The following EML4 variants were observed in gnomAD, a reference collection of about 807,000 sequenced individuals.
The protein encoded by EML4 is echinoderm microtubule-associated protein-like 4.
In EML4, 72 loss-of-function variants were observed where a neutral mutation model predicts 129.0. The ratio of observed to expected loss-of-function variants is 0.56; its 90% confidence interval spans 0.46 to 0.68. The LOEUF is 0.68. Ranked by LOEUF, EML4 falls within the 30% of genes least tolerant of loss-of-function variation. The pLI, the probability that EML4 is intolerant of heterozygous loss-of-function variation, is 0.00. For synonymous variants in EML4, 532 were observed against 405.0 expected (o/e 1.31, Z -3.77); for missense variants, 1,363 against 1,190.6 (o/e 1.14, Z -2.13).
At chr2:42,200,899 C>T (rs1443331000) in intron 1 of EML4, among the ~76,000 whole-genome samples, 1 of 152,152 alleles carries the variant, frequency 6.6e-6, no homozygotes. Flanking sequence ...ACTTAGAATG[C>T]AGTTTATTCC....
chr2:42,307,321 C>T (rs998521653), intron 17 of EML4, among the ~76,000 whole-genome samples: 1 of 152,182 alleles, frequency 6.6e-6, no homozygotes, highest in Admixed American at 6.5e-5. Flanking sequence ...CAATTGGTTT[C>T]TCTTGGAGTT....
intron 2 of EML4, among the ~76,000 whole-genome samples, chr2:42,248,682 T>G (rs552580259): frequency 1.3e-5 from 2 of 152,190 alleles, no homozygotes; most frequent in East Asian, 1.9e-4. Context: ...CCTTACTAAT[T>G]AGAGATTTTT....
intron 21 of EML4, among the ~76,000 whole-genome samples, chr2:42,326,615 C>T (rs1209807034): frequency 6.6e-6 from 1 of 152,218 alleles, no homozygotes; most frequent in Non-Finnish European, 1.5e-5. Context: ...GGCGCAGTGG[C>T]TCACACCTGT....
At position 42,301,406 on chromosome 2, in the gene EML4, C is replaced by A; in HGVS notation, c.1641+14C>A. On this transcript the variant is annotated intron_variant, in intron 14 of 22. Transcript: ENST00000318522. The stretch of plus-strand genomic sequence containing the variant: ...AGAGAAATAGAGGTAAGGATGGAAA[C>A]GGAATATAAAAATATTAAATACTCT... 5.0e-6 allele frequency: 8 copies of A among 1,593,676 alleles called. No individual in the cohort carries two copies. Among genetic ancestry groups the A allele is most frequent in the Non-Finnish European group, 6.8e-6 (8 of 1,170,502 alleles).
intron 6 of EML4, among the ~76,000 whole-genome samples, chr2:42,275,333 T>A (rs979996096): frequency 6.6e-6 from 1 of 152,208 alleles, no homozygotes; most frequent in African/African-American, 2.4e-5. Flanking sequence ...ATGGTAAGTG[T>A]TCAGTAATCA....
At chr2:42,176,401 T>A (rs1212899708) in intron 1 of EML4, among the ~76,000 whole-genome samples, 1 of 152,238 alleles carries the variant, frequency 6.6e-6, no homozygotes, top group Non-Finnish European at 1.5e-5. Context: ...TTGATTGTGC[T>A]ATTCACCCTC....
rs1003508223 is a variant in EML4, at chr2:42,175,339, G to A, written c.25+5703G>A. Reference sequence around the variant, plus strand: ...TGTGTTAGCCAGGATGGTTGTGATCGCCTGACCTTGTTATTCGCCTGCCTC... The same window carrying A: ...TGTGTTAGCCAGGATGGTTGTGATCACCTGACCTTGTTATTCGCCTGCCTC... On this transcript the variant is annotated intron_variant, in intron 1 of 22. Transcript: ENST00000318522. 7.2e-5 allele frequency among the ~76,000 whole-genome samples: 11 copies of A among 151,748 alleles called. 1 individual carries two copies. The highest frequency in any genetic ancestry group is 2.0e-4 in the Admixed American group (3 of 15,218).
chr2:42,315,820 C>A (rs1478054589), intron 17 of EML4, 142 bp from the exon 18 acceptor site: 2 of 604,362 alleles, frequency 3.3e-6, no homozygotes, highest in Non-Finnish European at 5.9e-6. Flanking sequence ...AAGTTCAAGG[C>A]TGTGGTGAGC....
intron 1 of EML4, among the ~76,000 whole-genome samples, chr2:42,200,358 G>C (rs1472589739): frequency 1.3e-5 from 2 of 151,790 alleles, no homozygotes; most frequent in African/African-American, 4.8e-5. Context: ...GTGTAGACAA[G>C]GGGAAAAAGA....
chr2:42,197,170 C>G (rs952276095), intron 1 of EML4, among the ~76,000 whole-genome samples: 3 of 152,046 alleles, frequency 2.0e-5, no homozygotes, highest in African/African-American at 4.8e-5. Context: ...TCAGGTGATA[C>G]CCCCATCTCA....
chr2:42,241,492 G>C (rs7557057), intron 1 of EML4, among the ~76,000 whole-genome samples: 98,370 of 151,966 alleles, frequency 0.65, 33,022 homozygotes, highest in African/African-American at 0.82. Context: ...ACTTGAACAT[G>C]TTAACCCTAA....
chr2:42,230,923 C>T (rs935278049), intron 1 of EML4, among the ~76,000 whole-genome samples: 6 of 152,242 alleles, frequency 3.9e-5, no homozygotes, highest in East Asian at 3.8e-4. Context: ...CATGTCCTTA[C>T]GTGTTAGTAT....
At chr2:42,305,842 C>T (rs1264143042) in intron 17 of EML4, among the ~76,000 whole-genome samples, 1 of 151,742 alleles carries the variant, frequency 6.6e-6, no homozygotes, top group Non-Finnish European at 1.5e-5. Flanking sequence ...TACTTTAAAC[C>T]AACTAATTCA....
intron 2 of EML4, among the ~76,000 whole-genome samples, chr2:42,254,678 T>C (rs1676006036): frequency 6.6e-6 from 1 of 151,720 alleles, no homozygotes; most frequent in Admixed American, 6.6e-5. Flanking sequence ...GACATTGGAA[T>C]CCTCATACAT....
chr2:42,255,283 C>T (rs1355776587), intron 2 of EML4, among the ~76,000 whole-genome samples: 1 of 151,988 alleles, frequency 6.6e-6, no homozygotes, highest in African/African-American at 2.4e-5. Flanking sequence ...TACAGGGTTT[C>T]AGCATGTTAG....
intron 1 of EML4, among the ~76,000 whole-genome samples, chr2:42,214,818 T>G (rs1673085392): frequency 1.3e-5 from 2 of 152,114 alleles, no homozygotes; most frequent in South Asian, 4.1e-4. Flanking sequence ...TTGGACTTCT[T>G]AAAGGGCAGC....
At chr2:42,279,542 C>G (rs993893724) in intron 6 of EML4, among the ~76,000 whole-genome samples, 14 of 151,960 alleles carry the variant, frequency 9.2e-5, no homozygotes, top group African/African-American at 3.4e-4. Flanking sequence ...ACTGCAAGCT[C>G]CACCTCCCAG....
chr2:42,242,405 G>T (rs1675094653), intron 1 of EML4, among the ~76,000 whole-genome samples: 1 of 152,106 alleles, frequency 6.6e-6, no homozygotes, highest in Non-Finnish European at 1.5e-5. Context: ...GAGGAATATT[G>T]GAGCAGCTCT....
At chr2:42,329,177 G>C (rs1440784845) in intron 22 of EML4, among the ~76,000 whole-genome samples, 161 bp downstream of exon 22, 2 of 152,188 alleles carry the variant, frequency 1.3e-5, no homozygotes, top group African/African-American at 2.4e-5. Context: ...GGCAGTGCTT[G>C]TCTTCTCCCC....
Sources: allele counts gnomAD v4.1 joint callset (sites outside exome capture counted in the v4.1 genomes callset), GRCh38; gene constraint gnomAD v4.1.1; transcripts MANE v1.5; gene names NCBI Gene and HGNC (gene_info 2026-07-23, HGNC 2026-07-21).